PPP2R5E: variants seen among roughly 807,000 people sequenced by gnomAD.
The protein encoded by PPP2R5E is protein phosphatase 2 regulatory subunit B'epsilon, also known as serine/threonine-protein phosphatase 2A 56 kDa regulatory subunit epsilon isoform.
PPP2R5E carries 4 observed loss-of-function variants against 65.3 expected under a neutral mutation model. That is an observed-to-expected ratio of 0.06 (90% CI 0.03 to 0.14). The LOEUF is 0.14. Among genes scored for constraint, PPP2R5E ranks in the 10% least tolerant of loss-of-function variants. The pLI, the probability that PPP2R5E is intolerant of heterozygous loss-of-function variation, is 1.00. For missense variants in PPP2R5E, 274 were observed against 556.1 expected (o/e 0.49, Z 5.10); for synonymous variants, 183 against 187.4 (o/e 0.98, Z 0.19).
intron 5 of PPP2R5E, among the ~76,000 whole-genome samples, chr14:63,408,619 T>G (rs1486685664): frequency 6.6e-6 from 1 of 152,194 alleles, no homozygotes; most frequent in Non-Finnish European, 1.5e-5. Context: ...ACGTTTCAAG[T>G]TTTTAAAAAA....
chr14:63,464,133 G>A (rs368547609), intron 2 of PPP2R5E, among the ~76,000 whole-genome samples: 3 of 152,200 alleles, frequency 2.0e-5, no homozygotes, highest in Non-Finnish European at 4.4e-5. Context: ...TCACTGATCC[G>A]CCAAATATTC....
intron 13 of PPP2R5E, among the ~76,000 whole-genome samples, chr14:63,378,978 C>G (rs1448488404): frequency 2.6e-5 from 4 of 152,090 alleles, no homozygotes; most frequent in African/African-American, 9.7e-5. Flanking sequence ...GTCAGTACAC[C>G]CTTCTATTGC....
At chr14:63,455,154 C>A (rs1056066958) in intron 2 of PPP2R5E, among the ~76,000 whole-genome samples, 6 of 152,158 alleles carry the variant, frequency 3.9e-5, no homozygotes, top group African/African-American at 1.2e-4. Context: ...GCATACAGCA[C>A]CCCCCTTACA....
At chr14:63,541,922 G>T (rs1163156379) in intron 1 of PPP2R5E, among the ~76,000 whole-genome samples, 1 of 151,990 alleles carries the variant, frequency 6.6e-6, no homozygotes, top group East Asian at 1.9e-4. Flanking sequence ...TAGATGTTAA[G>T]ATCACTTTAA....
At chr14:63,513,169 C>G (rs1892530299) in intron 2 of PPP2R5E, among the ~76,000 whole-genome samples, 1 of 152,112 alleles carries the variant, frequency 6.6e-6, no homozygotes, top group African/African-American at 2.4e-5. Flanking sequence ...GGAAATGAGT[C>G]TTCAGGAAGA....
intron 2 of PPP2R5E, among the ~76,000 whole-genome samples, chr14:63,529,450 T>A (rs1893319041): frequency 6.7e-6 from 1 of 149,180 alleles, no homozygotes; most frequent in Non-Finnish European, 1.5e-5. Context: ...AAGCACCACC[T>A]CCCAGGGTCA....
intron 2 of PPP2R5E, among the ~76,000 whole-genome samples, chr14:63,531,173 A>G (rs1012018568): frequency 2.6e-5 from 4 of 152,122 alleles, no homozygotes; most frequent in African/African-American, 9.7e-5. Flanking sequence ...CCATCACAAA[A>G]AAAGAAAGAA....
chr14:63,421,769 C>T (rs1479709335), intron 4 of PPP2R5E, among the ~76,000 whole-genome samples: 2 of 152,172 alleles, frequency 1.3e-5, no homozygotes, highest in South Asian at 4.1e-4. Flanking sequence ...CTGGCTGTAC[C>T]TGCAACGTGG....
At chr14:63,496,443 CAAAA>C (rs753525299) in intron 2 of PPP2R5E, among the ~76,000 whole-genome samples, 2 of 118,636 alleles carry the variant, frequency 1.7e-5, no homozygotes. Context: ...GACTCTGTCT[CAAAA>C]AAAAAAAAAA....
chr14:63,464,780 G>C (rs191494326), intron 2 of PPP2R5E, among the ~76,000 whole-genome samples: 2 of 152,090 alleles, frequency 1.3e-5, no homozygotes, highest in South Asian at 2.1e-4. Context: ...CCAGCACCTC[G>C]GGGAGGCCGA....
At chr14:63,417,605 C>T (rs1010775227) in intron 4 of PPP2R5E, among the ~76,000 whole-genome samples, 2 of 152,132 alleles carry the variant, frequency 1.3e-5, no homozygotes, top group East Asian at 3.9e-4. Flanking sequence ...TGCATACTTC[C>T]CATTGTATCA....
chr14:63,496,633 C>A (rs1393683041), intron 2 of PPP2R5E, among the ~76,000 whole-genome samples: 1 of 151,980 alleles, frequency 6.6e-6, no homozygotes, highest in Non-Finnish European at 1.5e-5. Flanking sequence ...GCTTAATAAA[C>A]ATGTAATTTA....
At chr14:63,481,068 T>C (rs866502916) in intron 2 of PPP2R5E, among the ~76,000 whole-genome samples, 4 of 152,228 alleles carry the variant, frequency 2.6e-5, no homozygotes, top group Middle Eastern at 3.2e-3. Flanking sequence ...TGGTGGTAGA[T>C]TGATTTTTGA....
At chr14:63,403,360 C>T (rs1299188975) in intron 5 of PPP2R5E, among the ~76,000 whole-genome samples, 1 of 144,646 alleles carries the variant, frequency 6.9e-6, no homozygotes, top group Non-Finnish European at 1.5e-5. Context: ...TACACTCCAG[C>T]CTGGGCGACA....
intron 3 of PPP2R5E, among the ~76,000 whole-genome samples, chr14:63,425,667 G>A (rs944097202): frequency 2.0e-5 from 3 of 152,152 alleles, no homozygotes; most frequent in African/African-American, 7.2e-5. Flanking sequence ...TAACTAATTA[G>A]GAATATACAA....
intron 2 of PPP2R5E, among the ~76,000 whole-genome samples, chr14:63,499,407 C>T (rs1470205166): frequency 6.6e-6 from 1 of 152,116 alleles, no homozygotes; most frequent in African/African-American, 2.4e-5. Context: ...CTAAATTAAT[C>T]AATATTTGGT....
At chr14:63,483,247 G>T (rs1416978476) in intron 2 of PPP2R5E, among the ~76,000 whole-genome samples, 1 of 152,088 alleles carries the variant, frequency 6.6e-6, no homozygotes. Flanking sequence ...CATGGGGAGG[G>T]GGGGTCACAG....
chr14:63,423,922 T>C (rs533370352), intron 3 of PPP2R5E, among the ~76,000 whole-genome samples: 1 of 152,252 alleles, frequency 6.6e-6, no homozygotes, highest in Admixed American at 6.5e-5. Flanking sequence ...GGAAGGAGAT[T>C]CAATTTTATT....
intron 2 of PPP2R5E, among the ~76,000 whole-genome samples, chr14:63,465,989 C>G (rs1889773588): frequency 1.3e-5 from 2 of 152,094 alleles, no homozygotes; most frequent in Admixed American, 6.5e-5. Context: ...ATGTAACATT[C>G]AATTGACCCT....
Sources: allele counts gnomAD v4.1 joint callset (sites outside exome capture counted in the v4.1 genomes callset), GRCh38; gene constraint gnomAD v4.1.1; transcripts MANE v1.5; gene names NCBI Gene and HGNC (gene_info 2026-07-23, HGNC 2026-07-21).